Variants in CDH13 observed in about 807,000 individuals in gnomAD.
The protein encoded by CDH13 is cadherin 13, also known as cadherin-13.
Under a neutral mutation model 63.8 loss-of-function variants are expected in CDH13, and 24 were observed. That is an observed-to-expected ratio of 0.38 (90% CI 0.27 to 0.53). CDH13 has a LOEUF of 0.53. CDH13 is among the 20% of genes least tolerant of loss of function. The probability of loss-of-function intolerance (pLI) is 0.85; values close to 1 mark genes in which losing one functional copy is unlikely to be tolerated. For synonymous variants in CDH13, 503 were observed against 355.3 expected, an observed-to-expected ratio of 1.42 and a Z score of -4.67; for missense variants, 1,049 against 903.1, an observed-to-expected ratio of 1.16 and a Z score of -2.07.
At chr16:82,759,594 AT>A (rs1456533201) in intron 1 of CDH13, among the ~76,000 whole-genome samples, 1 of 150,770 alleles carries the variant, frequency 6.6e-6, no homozygotes, top group Non-Finnish European at 1.5e-5. Flanking sequence ...CATATATAAT[AT>A]ATATGTATAA....
Position 83,342,773 on chromosome 16 carries a change from T to C in CDH13, c.637-2089T>C, listed in dbSNP as rs897648087. The stretch of plus-strand genomic sequence containing the variant: ...AGCTTATGATACTGGCCAAGTCTTA[T>C]AGAATGTAGAATCTTAGGATTCAGA... On this transcript the variant is annotated intron_variant, in intron 5 of 13. Transcript: ENST00000567109. Among the ~76,000 whole-genome samples, 56 of 151,696 alleles carry C rather than the reference T, an allele frequency of 3.7e-4. 1 individual carries two copies. Among genetic ancestry groups the C allele is most frequent in the Admixed American group, 3.0e-3 (46 of 15,168 alleles).
chr16:83,031,609 C>A (rs922333300), intron 2 of CDH13, among the ~76,000 whole-genome samples: 2 of 151,920 alleles, frequency 1.3e-5, no homozygotes, highest in South Asian at 4.2e-4. Flanking sequence ...ATCTTCAATA[C>A]CCAGCTCAAA....
At chr16:83,463,894 G>A (rs967618337) in intron 6 of CDH13, among the ~76,000 whole-genome samples, 1 of 152,170 alleles carries the variant, frequency 6.6e-6, no homozygotes, top group African/African-American at 2.4e-5. Flanking sequence ...TCCAACAGGG[G>A]AAGACAGTGC....
At chr16:83,323,338 C>T (rs148374687) in intron 5 of CDH13, among the ~76,000 whole-genome samples, 71 of 149,592 alleles carry the variant, frequency 4.7e-4, no homozygotes, top group Non-Finnish European at 8.4e-4. Flanking sequence ...TATAGTGGCA[C>T]GATCTTAGTT....
intron 2 of CDH13, among the ~76,000 whole-genome samples, chr16:82,892,957 T>TA (rs943645431): frequency 1.1e-4 from 16 of 152,320 alleles, no homozygotes; most frequent in South Asian, 8.3e-4. Context: ...ACAAAGTTTG[T>TA]AAAAAAATTG....
intron 8 of CDH13, among the ~76,000 whole-genome samples, chr16:83,645,035 C>G (rs1399197268): frequency 6.6e-6 from 1 of 152,190 alleles, no homozygotes; most frequent in African/African-American, 2.4e-5. Flanking sequence ...CTTCTATGCT[C>G]ACATCCACTC....
intron 2 of CDH13, among the ~76,000 whole-genome samples, chr16:83,003,833 C>A (rs1055774479): frequency 6.6e-6 from 1 of 152,274 alleles, no homozygotes; most frequent in African/African-American, 2.4e-5. Flanking sequence ...TACTCCATAC[C>A]CTAAATAATT....
intron 5 of CDH13, among the ~76,000 whole-genome samples, chr16:83,341,251 A>T (rs1299582545): frequency 2.6e-5 from 4 of 152,188 alleles, no homozygotes; most frequent in African/African-American, 9.7e-5. Flanking sequence ...TGGGTATTTC[A>T]ATTAGGAAGA....
At chr16:83,200,640 G>A (rs2038998987) in intron 4 of CDH13, among the ~76,000 whole-genome samples, 1 of 152,142 alleles carries the variant, frequency 6.6e-6, no homozygotes, top group Non-Finnish European at 1.5e-5. Flanking sequence ...GGTCGTTTTG[G>A]GGAATATTAG....
At chr16:83,519,126 T>C (rs939261342) in intron 7 of CDH13, among the ~76,000 whole-genome samples, 2 of 152,194 alleles carry the variant, frequency 1.3e-5, no homozygotes, top group Non-Finnish European at 2.9e-5. Context: ...TAGAGTTTTA[T>C]AGGGACTGGG....
chr16:83,376,977 G>A (rs2091471463), intron 6 of CDH13, among the ~76,000 whole-genome samples: 1 of 152,000 alleles, frequency 6.6e-6, no homozygotes, highest in South Asian at 2.1e-4. Flanking sequence ...TATATGAAAG[G>A]GCCTTGAAGG....
At chr16:83,581,566 C>A (rs982196402) in intron 7 of CDH13, among the ~76,000 whole-genome samples, 6 of 152,188 alleles carry the variant, frequency 3.9e-5, no homozygotes, top group African/African-American at 1.4e-4. Flanking sequence ...CACCTGTAAT[C>A]CCAGCACTTT....
chr16:83,015,999 C>T (rs898711926), intron 2 of CDH13, among the ~76,000 whole-genome samples: 1 of 151,902 alleles, frequency 6.6e-6, no homozygotes. Flanking sequence ...TATGTGAGCG[C>T]TATTGTTGTC....
chr16:83,145,658 A>T (rs1251855163), intron 4 of CDH13, among the ~76,000 whole-genome samples: 9 of 152,194 alleles, frequency 5.9e-5, no homozygotes, highest in Admixed American at 5.9e-4. Flanking sequence ...CGAAGGAATT[A>T]TTCCAGACCT....
In CDH13 at chr16:83,779,406, C is replaced by CAAA. The variant is rs144757645; in HGVS notation, c.1682-532_1682-530dup. ...CGGGCGACAGCGCGAGACTCCATCT[C>CAAA]AAAAAAAAAAAAAAAAAAAAAAAAA... On this transcript the variant is annotated intron_variant, in intron 11 of 13. Coordinates refer to ENST00000567109, the MANE Select transcript of CDH13 (RefSeq NM_001257.5). Among the ~76,000 whole-genome samples, 45 of 82,562 alleles carry CAAA rather than the reference C, an allele frequency of 5.5e-4. 2 individuals are homozygous for CAAA. The highest frequency in any genetic ancestry group is 1.5e-3 in the African/African-American group (27 of 17,842). The allele number at this position is 82,562 out of a possible 152,430, so 54.2% of individuals were successfully genotyped here.
At chr16:83,080,881 T>TTGTTTTG (rs796209897) in intron 3 of CDH13, among the ~76,000 whole-genome samples, 9 of 110,736 alleles carry the variant, frequency 8.1e-5, no homozygotes, top group Admixed American at 2.8e-4. Flanking sequence ...GTTTTTTTTT[T>TTGTTTTG]TTTTTTTTTT....
chr16:82,661,466 C>T (rs535205534), intron 1 of CDH13, among the ~76,000 whole-genome samples: 4 of 152,170 alleles, frequency 2.6e-5, no homozygotes, highest in Admixed American at 6.5e-5. Context: ...AGGTTGCTGC[C>T]GGCTGGTTCT....
intron 7 of CDH13, among the ~76,000 whole-genome samples, chr16:83,539,403 G>A (rs761418521): frequency 6.6e-6 from 1 of 152,136 alleles, no homozygotes; most frequent in African/African-American, 2.4e-5. Flanking sequence ...TGTGCGACTC[G>A]GTTCCTAACA....
rs141134157 is a variant in CDH13 at position 82,811,509 on chromosome 16, A to G, written c.46-46853A>G. ...GACAAACACAGGTTCTGCTAATACT[A>G]TTGTGATTTGTTATCTACATTCATA... On this transcript the variant is annotated intron_variant, in intron 1 of 13. Coordinates refer to ENST00000567109, the MANE Select transcript of CDH13 (RefSeq NM_001257.5). Among the ~76,000 whole-genome samples, 552 of 152,282 alleles carry G rather than the reference A, an allele frequency of 3.6e-3. 3 individuals carry two copies. Among genetic ancestry groups the G allele is most frequent in the African/African-American group, 0.012 (516 of 41,556 alleles).
Sources: allele counts gnomAD v4.1 joint callset (sites outside exome capture counted in the v4.1 genomes callset), GRCh38; gene constraint gnomAD v4.1.1; transcripts MANE v1.5; gene names NCBI Gene and HGNC (gene_info 2026-07-23, HGNC 2026-07-21).